The following HAUS4 variants were observed in gnomAD, a reference collection of about 807,000 sequenced individuals.
HAUS4 encodes the protein HAUS augmin-like complex subunit 4.
Under a neutral mutation model 50.6 loss-of-function variants are expected in HAUS4, and 34 were observed. The observed-to-expected ratio is 0.67, with a 90% CI of 0.51 to 0.90. The LOEUF is 0.90. Ranked by LOEUF, HAUS4 falls within the 40% of genes least tolerant of loss-of-function variation. The pLI, the probability that HAUS4 is intolerant of heterozygous loss-of-function variation, is 0.00. For missense variants in HAUS4, 370 were observed against 428.7 expected (o/e 0.86, Z 1.21); for synonymous variants, 149 against 161.4 (o/e 0.92, Z 0.58).
In HAUS4 at chr14:22,947,051, T is replaced by C. The variant is rs2044656454; in HGVS notation, c.908+120A>G. On this transcript the variant is annotated intron_variant, in intron 9 of 9. Coordinates refer to ENST00000541587, the MANE Select transcript of HAUS4 (RefSeq NM_001166269.2). ...TGCCCACCTCGGCCTCCCAAAGTGCTGGGATTACAGGTGTGAGCCACTGTG... is the reference window on the plus strand; with the variant it reads ...TGCCCACCTCGGCCTCCCAAAGTGCCGGGATTACAGGTGTGAGCCACTGTG... 4.1e-6 allele frequency: 3 copies of C among 729,316 alleles called. No individual in the cohort carries two copies. In the Admixed American group the frequency reaches 6.3e-5, roughly 15 times the overall value. 45.2% of individuals were successfully genotyped at this position (729,316 alleles called of 1,614,324 possible). A position where few individuals can be genotyped will look rare whatever the true frequency, so the allele number is the denominator to read the frequency against.
At chr14:22,950,548 C>G (rs2044734439) in intron 5 of HAUS4, 138 bp from the exon 6 acceptor site, 4 of 581,506 alleles carry the variant, frequency 6.9e-6, no homozygotes, top group South Asian at 4.2e-5. Context: ...TCATTTTTCA[C>G]CTATCAAATT....
rs2044774416 is a variant in HAUS4 at position 22,952,548 on chromosome 14, TG to T, written c.190del (p.Gln64ArgfsTer16). 1.9e-6 allele frequency: 3 copies of T among 1,613,078 alleles called. No homozygotes were observed. In the Admixed American group the frequency reaches 5.0e-5, roughly 27 times the overall value. Reference protein sequence around the residue: ...SGLSLTLAKEQAQAWKEVRLH... With the variant: ...SGLSLTLAKEXAQAWKEVRLH... Reference sequence around the variant, plus strand: ...TTCTCCCAAAGCCCTTACCTGAGCCTGCTCCTTTGCTAGGGTGAGGCTTAAG... The same window carrying T: ...TTCTCCCAAAGCCCTTACCTGAGCCTCTCCTTTGCTAGGGTGAGGCTTAAG... On this transcript the variant is annotated frameshift_variant, in exon 3 of 10. Transcript: ENST00000541587. LOFTEE classifies it high-confidence loss of function.
At chr14:22,949,950 G>T (rs922214053) in intron 6 of HAUS4, among the ~76,000 whole-genome samples, 2 of 152,034 alleles carry the variant, frequency 1.3e-5, no homozygotes, top group Non-Finnish European at 2.9e-5. Flanking sequence ...TCAACATGGA[G>T]AAACCCCATC....
In HAUS4 at chr14:22,947,733, TGAGCCCAA is replaced by T; in HGVS notation, c.709-10_709-3del. 1 of 1,614,052 alleles carries T rather than the reference TGAGCCCAA, an allele frequency of 6.2e-7. No individual in the cohort carries two copies. The highest frequency in any genetic ancestry group is 8.5e-7 in the Non-Finnish European group (1 of 1,180,018). On this transcript the variant is annotated splice_polypyrimidine_tract_variant and splice_region_variant and intron_variant, in intron 7 of 9. Coordinates refer to ENST00000541587, the MANE Select transcript of HAUS4 (RefSeq NM_001166269.2). ...CAAAGTGAGGCAGCGGAGAAGCACCTGAGCCCAAGATGGAGGAAGAAGAGGGCATAAAT... is the reference window on the plus strand; with the variant it reads ...CAAAGTGAGGCAGCGGAGAAGCACCTGATGGAGGAAGAAGAGGGCATAAAT...
At chr14:22,950,904 C>A (rs1268329452) in intron 5 of HAUS4, among the ~76,000 whole-genome samples, 2 of 152,178 alleles carry the variant, frequency 1.3e-5, no homozygotes, top group African/African-American at 4.8e-5. Flanking sequence ...GCACTATGTG[C>A]CTAGATACTT....
intron 5 of HAUS4, among the ~76,000 whole-genome samples, 166 bp from the exon 6 acceptor site, chr14:22,950,576 C>T (rs1055480484): frequency 1.3e-5 from 2 of 152,156 alleles, no homozygotes; most frequent in East Asian, 3.9e-4. Flanking sequence ...AATAAAATGA[C>T]TGTCAAGACC....
intron 6 of HAUS4, among the ~76,000 whole-genome samples, chr14:22,948,460 G>C (rs28425728): frequency 2.1e-5 from 3 of 139,622 alleles, no homozygotes; most frequent in African/African-American, 7.7e-5. Flanking sequence ...AAAGCGGGGG[G>C]GGGGAGGGCA....
intron 1 of HAUS4, among the ~76,000 whole-genome samples, chr14:22,955,936 T>C (rs1298233100): frequency 6.6e-6 from 1 of 152,102 alleles, no homozygotes; most frequent in East Asian, 1.9e-4. Flanking sequence ...ATGGGCACAG[T>C]TTGACCTCAG....
At chr14:22,952,126 T>A (rs2044765069) in intron 4 of HAUS4, among the ~76,000 whole-genome samples, 1 of 152,250 alleles carries the variant, frequency 6.6e-6, no homozygotes, top group Non-Finnish European at 1.5e-5. Flanking sequence ...CAAGCGATTC[T>A]GCTGCCTCAG....
intron 5 of HAUS4, among the ~76,000 whole-genome samples, chr14:22,950,903 G>GTTATA (rs1243646648): frequency 1.3e-5 from 2 of 152,186 alleles, no homozygotes; most frequent in African/African-American, 4.8e-5. Context: ...AGCACTATGT[G>GTTATA]CCTAGATACT....
In HAUS4 at chr14:22,948,024, G is replaced by C. The variant is rs1193899939; in HGVS notation, c.563-11C>G. ...TTTCACTGTCAGCATCTGAGCAAAG[G>C]GGCAGAGGACTGACAGGAAAACCCT... On this transcript the variant is annotated splice_polypyrimidine_tract_variant and intron_variant, in intron 6 of 9. Coordinates refer to ENST00000541587, the MANE Select transcript of HAUS4 (RefSeq NM_001166269.2). 6.3e-7 allele frequency: 1 copy of C among 1,599,996 alleles called. No individual in the cohort carries two copies. The highest frequency in any genetic ancestry group is 8.5e-7 in the Non-Finnish European group (1 of 1,173,428).
rs138329046 is a variant in HAUS4 at position 22,947,979 on chromosome 14, C to T, written c.597G>A (p.Val199=). The change falls in exon 7 of 10, where the codon GTG becomes GTA. Residue 199 remains valine (V), a synonymous_variant. Transcript: ENST00000541587. ...CCACCAGGACCTCTGCGAGTTTCCA[C>T]ACCTTTGCTGCCTTCACGGTTTCAC... ...ADSETVKAAK[V]WKLAEVLVGE... is the part of the protein sequence containing the mutation. 2 of 1,613,604 alleles carry T rather than the reference C, an allele frequency of 1.2e-6. No individual in the cohort carries two copies. The highest frequency in any genetic ancestry group is 2.7e-5 in the African/African-American group (2 of 74,906).
chr14:22,947,530 A>G, intron 8 of HAUS4, 71 bp downstream of exon 8: 2 of 1,535,498 alleles, frequency 1.3e-6, no homozygotes, highest in Non-Finnish European at 1.8e-6. Context: ...GAGGAAAGAG[A>G]TTAGGGTAAG....
chr14:22,948,126 A>T (rs2139292516), intron 6 of HAUS4, 113 bp from the exon 7 acceptor site: 1 of 1,088,470 alleles, frequency 9.2e-7, no homozygotes, highest in Non-Finnish European at 1.3e-6. Context: ...GCCTTATGAC[A>T]GGTTTTCTTC....
At chr14:22,952,172 T>C (rs565471273) in intron 4 of HAUS4, among the ~76,000 whole-genome samples, 156 bp downstream of exon 4, 1 of 152,132 alleles carries the variant, frequency 6.6e-6, no homozygotes, top group South Asian at 2.1e-4. Context: ...CGTGTGCCAC[T>C]GCACCTGGTT....
chr14:22,948,719 TAG>T (rs1184783074), intron 6 of HAUS4, among the ~76,000 whole-genome samples: 4 of 151,896 alleles, frequency 2.6e-5, no homozygotes, highest in Non-Finnish European at 4.4e-5. Flanking sequence ...GTATTTTTAG[TAG>T]AGACGGGGTT....
At chr14:22,953,898 A>G (rs1001994859) in intron 2 of HAUS4, among the ~76,000 whole-genome samples, 8 of 149,584 alleles carry the variant, frequency 5.3e-5, no homozygotes, top group Non-Finnish European at 1.0e-4. Flanking sequence ...CCAAAGTGCT[A>G]GGATTACAGG....
At chr14:22,950,440 C>T (rs377229455) in intron 5 of HAUS4, 30 bp from the exon 6 acceptor site, 265 of 1,373,510 alleles carry the variant, frequency 1.9e-4, no homozygotes, top group Non-Finnish European at 2.6e-4. Flanking sequence ...GGCAGAAATG[C>T]GAATAGACTG....
intron 6 of HAUS4, among the ~76,000 whole-genome samples, chr14:22,949,854 T>G (rs1401399963): frequency 6.6e-6 from 1 of 151,702 alleles, no homozygotes; most frequent in African/African-American, 2.4e-5. Flanking sequence ...TTTGGCCGGG[T>G]GTGGTGGCTC....
Sources: allele counts gnomAD v4.1 joint callset (sites outside exome capture counted in the v4.1 genomes callset), GRCh38; gene constraint gnomAD v4.1.1; transcripts MANE v1.5; gene names NCBI Gene and HGNC (gene_info 2026-07-23, HGNC 2026-07-21).